The following ASIP variants were observed in gnomAD, a reference collection of about 807,000 sequenced individuals.
ASIP encodes agouti signaling protein.
In ASIP, 11 loss-of-function variants were observed where a neutral mutation model predicts 10.3. That is an observed-to-expected ratio of 1.07 (90% CI 0.68 to 1.78). The LOEUF (loss-of-function observed/expected upper bound fraction) is 1.78. Among genes scored for constraint, ASIP ranks in the 40% most tolerant of loss-of-function variants. The pLI is 0.00. For synonymous variants in ASIP, 70 were observed against 70.8 expected, an observed-to-expected ratio of 0.99 and a Z score of 0.06; for missense variants, 180 against 169.2, an observed-to-expected ratio of 1.06 and a Z score of -0.35.
At chr20:34,261,479 C>A (rs2035690541) in intron 2 of ASIP, among the ~76,000 whole-genome samples, 1 of 152,118 alleles carries the variant, frequency 6.6e-6, no homozygotes, top group Non-Finnish European at 1.5e-5. Flanking sequence ...ATTAAAAATA[C>A]AAAAATTAAC....
intron 1 of ASIP, among the ~76,000 whole-genome samples, chr20:34,245,333 CA>C (rs1257990215): frequency 0.026 from 1,634 of 63,580 alleles, 23 homozygotes; most frequent in African/African-American, 0.067. Context: ...GACTCTGTCT[CA>C]AAAAAAAAAA....
At chr20:34,248,708 G>C (rs2035421583) in intron 1 of ASIP, among the ~76,000 whole-genome samples, 1 of 152,034 alleles carries the variant, frequency 6.6e-6, no homozygotes, top group Non-Finnish European at 1.5e-5. Context: ...GCTGATGTGG[G>C]AGGATTGCTT....
chr20:34,243,759 A>T (rs978252109), intron 1 of ASIP, among the ~76,000 whole-genome samples: 55 of 104,326 alleles, frequency 5.3e-4, no homozygotes, highest in African/African-American at 3.4e-3. Context: ...TATTGTATTT[A>T]AAAAAAAAAA....
intron 1 of ASIP, among the ~76,000 whole-genome samples, chr20:34,202,977 T>G (rs2034910663): frequency 6.6e-6 from 1 of 151,728 alleles, no homozygotes; most frequent in Non-Finnish European, 1.5e-5. Context: ...CCCGGCTAAT[T>G]TTTTGTATTT....
intron 1 of ASIP, among the ~76,000 whole-genome samples, chr20:34,255,040 T>G (rs2035544643): frequency 6.6e-6 from 1 of 152,174 alleles, no homozygotes; most frequent in East Asian, 1.9e-4. Flanking sequence ...TGGTGAGATC[T>G]CCTGCCTACC....
intron 1 of ASIP, among the ~76,000 whole-genome samples, chr20:34,205,535 G>A (rs780108944): frequency 2.6e-5 from 4 of 151,198 alleles, no homozygotes; most frequent in African/African-American, 4.9e-5. Flanking sequence ...TGCGAAGAGC[G>A]AAAGAACAAA....
chr20:34,260,367 C>T lies in ASIP; in HGVS notation c.-8C>T. Reference sequence around the variant, plus strand: ...ACCACCTTCTCTGTCCCACTCAGGCCTCCTGGGATGGATGTCACCCGCTTA... The same window carrying T: ...ACCACCTTCTCTGTCCCACTCAGGCTTCCTGGGATGGATGTCACCCGCTTA... On this transcript the variant is annotated splice_region_variant and 5_prime_UTR_variant, in exon 2 of 4. Transcript: ENST00000374954. The T allele has an allele frequency of 1.2e-6, 2 of 1,612,600 alleles. No individual in the cohort carries two copies. Among genetic ancestry groups the T allele is most frequent in the South Asian group, 1.1e-5 (1 of 90,838 alleles).
intron 1 of ASIP, among the ~76,000 whole-genome samples, chr20:34,217,630 C>A (rs994869707): frequency 6.6e-6 from 1 of 151,882 alleles, no homozygotes; most frequent in East Asian, 2.0e-4. Flanking sequence ...GGCGCGATCT[C>A]GGCTCACTGC....
At chr20:34,213,371 G>C (rs748428334) in intron 1 of ASIP, 59 of 586,476 alleles carry the variant, frequency 1.0e-4, no homozygotes, top group Admixed American at 6.0e-5. Flanking sequence ...GTCTAAGACA[G>C]AAAGTTAATG....
At chr20:34,235,962 A>AGGGAGGGAGGGAGGAAGGAAGG (rs1568756757) in intron 1 of ASIP, among the ~76,000 whole-genome samples, 1 of 83,802 alleles carries the variant, frequency 1.2e-5, no homozygotes, top group African/African-American at 2.6e-4. Context: ...GGAAGGAAGG[A>AGGGAGGGAGGGAGGAAGGAAGG]AGGAGGGAGG....
chr20:34,202,413 G>T (rs933034950), intron 1 of ASIP, among the ~76,000 whole-genome samples: 3 of 152,180 alleles, frequency 2.0e-5, no homozygotes, highest in African/African-American at 4.8e-5. Context: ...TACATATGAT[G>T]AAATGAATTT....
At chr20:34,259,313 G>A (rs1180546509) in intron 1 of ASIP, among the ~76,000 whole-genome samples, 1 of 152,042 alleles carries the variant, frequency 6.6e-6, no homozygotes, top group Non-Finnish European at 1.5e-5. Context: ...AAGAGTTCGA[G>A]ACCAGCCTGG....
At chr20:34,226,242 A>G (rs2035092228) in intron 1 of ASIP, among the ~76,000 whole-genome samples, 1 of 152,202 alleles carries the variant, frequency 6.6e-6, no homozygotes, top group Admixed American at 6.5e-5. Context: ...TCAGCTTACC[A>G]TTATTGTCCA....
chr20:34,264,821 G>A (rs1352470739), intron 3 of ASIP, among the ~76,000 whole-genome samples: 4 of 142,546 alleles, frequency 2.8e-5, no homozygotes, highest in Non-Finnish European at 6.0e-5. Flanking sequence ...TTAGAAATGG[G>A]GTGTCACTCT....
At chr20:34,213,166 T>C (rs1178402419) in intron 1 of ASIP, among the ~76,000 whole-genome samples, 1 of 152,212 alleles carries the variant, frequency 6.6e-6, no homozygotes, top group African/African-American at 2.4e-5. Context: ...CCCTTCTTGC[T>C]CCTTCTCCTC....
chr20:34,232,384 T>C (rs1445068638), intron 1 of ASIP, among the ~76,000 whole-genome samples: 1 of 152,104 alleles, frequency 6.6e-6, no homozygotes. Flanking sequence ...TCTTGAGAGA[T>C]TTTCACTTGA....
upstream of ASIP, among the ~76,000 whole-genome samples, chr20:34,238,300 T>A (rs1437882137): frequency 6.6e-6 from 1 of 152,172 alleles, no homozygotes; most frequent in Non-Finnish European, 1.5e-5. Context: ...TTTTTCTGCT[T>A]GATGGTGTCC....
intron 1 of ASIP, among the ~76,000 whole-genome samples, chr20:34,235,954 AAGG>A (rs2035198117): frequency 1.1e-5 from 1 of 90,362 alleles, no homozygotes; most frequent in Non-Finnish European, 1.8e-5. Context: ...AGAAGGAAGG[AAGG>A]AAGGAAGGAG....
At chr20:34,214,803 A>G (rs1052564771) in intron 1 of ASIP, 4 of 1,542,894 alleles carry the variant, frequency 2.6e-6, no homozygotes, top group Non-Finnish European at 3.6e-6. Context: ...TCAAAATATG[A>G]AGATAATCAT....
Sources: gnomAD v4.1 joint callset for allele counts (sites outside exome capture counted in the v4.1 genomes callset) on GRCh38, gnomAD v4.1.1 for gene constraint, MANE v1.5 for transcripts, NCBI Gene and HGNC (gene_info 2026-07-23, HGNC 2026-07-21) for gene names.